SLIT3: variants seen among roughly 807,000 people sequenced by gnomAD.
SLIT3 encodes the protein slit homolog 3 protein.
In SLIT3, 68 loss-of-function variants were observed where a neutral mutation model predicts 184.0. The observed-to-expected ratio is 0.37, with a 90% CI of 0.30 to 0.45. The LOEUF (loss-of-function observed/expected upper bound fraction) is 0.45. Among genes scored for constraint, SLIT3 ranks in the 20% least tolerant of loss-of-function variants. The probability of loss-of-function intolerance (pLI) is 1.00; values close to 1 mark genes in which losing one functional copy is unlikely to be tolerated. For missense variants in SLIT3, 1,707 were observed against 2,026.0 expected, an observed-to-expected ratio of 0.84 and a Z score of 3.02; for synonymous variants, 831 against 828.6, an observed-to-expected ratio of 1.00 and a Z score of -0.05.
At chr5:168,817,617 A>C (rs1200927736) in intron 7 of SLIT3, among the ~76,000 whole-genome samples, 154 bp from the exon 8 acceptor site, 4 of 152,160 alleles carry the variant, frequency 2.6e-5, no homozygotes, top group African/African-American at 9.7e-5. Context: ...CACTACCAAA[A>C]ACATGGGAGC....
chr5:168,872,816 A>G (rs1217768443), intron 5 of SLIT3, among the ~76,000 whole-genome samples: 2 of 151,620 alleles, frequency 1.3e-5, no homozygotes, highest in African/African-American at 2.4e-5. Context: ...AATTTTTCGT[A>G]TTTTTAGTAG....
intron 4 of SLIT3, among the ~76,000 whole-genome samples, chr5:169,134,008 T>C (rs1477095310): frequency 6.6e-6 from 1 of 152,230 alleles, no homozygotes; most frequent in African/African-American, 2.4e-5. Flanking sequence ...TGTTTTATCA[T>C]TTCCTAAGAT....
At position 168,666,169 on chromosome 5, in the gene SLIT3, A is replaced by G. The variant is rs1482526120; in HGVS notation, c.*285T>C. The G allele has an allele frequency of 7.6e-6, 2 of 264,606 alleles. No individual in the cohort carries two copies. The highest frequency in any genetic ancestry group is 1.4e-5 in the Non-Finnish European group (2 of 143,652). 16.4% of individuals were successfully genotyped at this position (264,606 alleles called of 1,614,324 possible). ...AATTTTTAAACAGCTATTTTTAAAAACACAACAAATACACAACACAAAACT... is the reference window on the plus strand; with the variant it reads ...AATTTTTAAACAGCTATTTTTAAAAGCACAACAAATACACAACACAAAACT... On this transcript the variant is annotated 3_prime_UTR_variant, in exon 36 of 36. Coordinates refer to ENST00000519560, the MANE Select transcript of SLIT3 (RefSeq NM_003062.4).
At chr5:168,771,189 G>A (rs777109741) in intron 14 of SLIT3, among the ~76,000 whole-genome samples, 9 of 152,292 alleles carry the variant, frequency 5.9e-5, no homozygotes, top group East Asian at 3.9e-4. Flanking sequence ...CAAGGTTGGC[G>A]TGAGTCATGA....
At chr5:169,298,956 G>GA in intron 1 of SLIT3, among the ~76,000 whole-genome samples, 1 of 152,310 alleles carries the variant, frequency 6.6e-6, no homozygotes, top group East Asian at 1.9e-4. Flanking sequence ...GTGTGACGAG[G>GA]AGGGGAACTT....
chr5:168,755,407 T>TTCTTTCTTTCTTTTCTTTCTTTCTC (rs1754877086), intron 16 of SLIT3, among the ~76,000 whole-genome samples: 1 of 20,884 alleles, frequency 4.8e-5, no homozygotes, highest in Non-Finnish European at 8.5e-5. Context: ...CTTTCTTTCT[T>TTCTTTCTTTCTTTTCTTTCTTTCTC]TCTTTCTTTC....
At chr5:168,718,737 CTCTCTCTCTCTT>C (rs1162719379) in intron 23 of SLIT3, among the ~76,000 whole-genome samples, 122 of 150,716 alleles carry the variant, frequency 8.1e-4, no homozygotes, top group African/African-American at 2.8e-3. Context: ...CACATTCTCT[CTCTCTCTCTCTT>C]TCTCTCTCTC....
At chr5:169,054,106 A>G (rs1405251091) in intron 4 of SLIT3, among the ~76,000 whole-genome samples, 2 of 152,026 alleles carry the variant, frequency 1.3e-5, no homozygotes, top group South Asian at 4.2e-4. Context: ...AAGAAAAAAA[A>G]ATAGGGTCTA....
intron 7 of SLIT3, among the ~76,000 whole-genome samples, 200 bp downstream of exon 7, chr5:168,823,060 T>C (rs1473366910): frequency 2.0e-5 from 3 of 152,046 alleles, no homozygotes; most frequent in East Asian, 3.9e-4. Flanking sequence ...TTCAGAACCA[T>C]GGTTGGTGGC....
At chr5:169,186,465 G>T (rs1467716144) in intron 4 of SLIT3, among the ~76,000 whole-genome samples, 1 of 152,184 alleles carries the variant, frequency 6.6e-6, no homozygotes, top group African/African-American at 2.4e-5. Context: ...GTGGTATTTT[G>T]TGATGGTAGC....
chr5:168,944,285 A>AG (rs112140409), intron 4 of SLIT3, among the ~76,000 whole-genome samples: 2,115 of 152,218 alleles, frequency 0.014, 61 homozygotes, highest in East Asian at 0.13. Flanking sequence ...CTTGTGGGGC[A>AG]GGGTGTTAGC....
intron 4 of SLIT3, among the ~76,000 whole-genome samples, chr5:168,999,366 GT>G (rs1755625168): frequency 6.6e-6 from 1 of 151,536 alleles, no homozygotes; most frequent in African/African-American, 2.4e-5. Context: ...TCTTAATTTG[GT>G]TTTCTGATTG....
chr5:168,974,873 C>T (rs979860956), intron 4 of SLIT3, among the ~76,000 whole-genome samples: 84 of 152,322 alleles, frequency 5.5e-4, no homozygotes, highest in African/African-American at 1.9e-3. Flanking sequence ...TGGCCCTGGC[C>T]TTCCACATAT....
At chr5:168,964,914 G>C (rs970127561) in intron 4 of SLIT3, among the ~76,000 whole-genome samples, 2 of 152,214 alleles carry the variant, frequency 1.3e-5, no homozygotes, top group African/African-American at 4.8e-5. Context: ...AAGATAGTAG[G>C]TATGGTTGAT....
intron 32 of SLIT3, among the ~76,000 whole-genome samples, chr5:168,683,289 G>A (rs565908162): frequency 6.6e-6 from 1 of 150,386 alleles, no homozygotes; most frequent in East Asian, 2.0e-4. Flanking sequence ...AGAATTGCTT[G>A]AATCTGGGAG....
At chr5:168,687,263 C>T (rs1039696940) in intron 29 of SLIT3, 147 bp from the exon 30 acceptor site, 3 of 896,356 alleles carry the variant, frequency 3.3e-6, no homozygotes, top group Non-Finnish European at 5.2e-6. Flanking sequence ...GGCTCCACAG[C>T]AGGTTTCCCT....
intron 4 of SLIT3, among the ~76,000 whole-genome samples, chr5:168,967,435 A>ATTTTTTTTTTTT (rs556216624): frequency 1.3e-4 from 4 of 30,760 alleles, no homozygotes; most frequent in Non-Finnish European, 1.8e-4. Context: ...GCCATCTCAA[A>ATTTTTTTTTTTT]TCTTTTTTTT....
intron 3 of SLIT3, among the ~76,000 whole-genome samples, chr5:169,243,483 A>G (rs1765474165): frequency 6.6e-6 from 1 of 152,210 alleles, no homozygotes. Flanking sequence ...TTTCAAACCA[A>G]CACCAGCAGA....
chr5:168,753,425 A>C (rs896475377), intron 17 of SLIT3, among the ~76,000 whole-genome samples: 6 of 152,218 alleles, frequency 3.9e-5, no homozygotes, highest in Non-Finnish European at 1.5e-5. Flanking sequence ...ACGTGGTTGT[A>C]GACATCAGCT....
Sources: allele counts gnomAD v4.1 joint callset (sites outside exome capture counted in the v4.1 genomes callset), GRCh38; gene constraint gnomAD v4.1.1; transcripts MANE v1.5; gene names NCBI Gene and HGNC (gene_info 2026-07-23, HGNC 2026-07-21).